Variants in ADAMTS17 observed in about 807,000 individuals in gnomAD.
The protein encoded by ADAMTS17 is A disintegrin and metalloproteinase with thrombospondin motifs 17.
In ADAMTS17, 113 loss-of-function variants were observed where a neutral mutation model predicts 141.5. The observed-to-expected ratio is 0.80, with a 90% CI of 0.69 to 0.93. ADAMTS17 has a LOEUF of 0.93. ADAMTS17 is among the 40% of genes least tolerant of loss of function. ADAMTS17 has a pLI of 0.00. For missense variants in ADAMTS17, 1,659 were observed against 1,517.9 expected, an observed-to-expected ratio of 1.09 and a Z score of -1.54; for synonymous variants, 768 against 630.6, an observed-to-expected ratio of 1.22 and a Z score of -3.27.
At chr15:100,214,963 T>C (rs888183121) in intron 7 of ADAMTS17, among the ~76,000 whole-genome samples, 2 of 152,238 alleles carry the variant, frequency 1.3e-5, no homozygotes, top group Admixed American at 6.5e-5. Context: ...CAACTGCCCA[T>C]TCTGCTCTAT....
At chr15:100,304,282 G>C (rs964589564) in intron 3 of ADAMTS17, among the ~76,000 whole-genome samples, 5 of 152,110 alleles carry the variant, frequency 3.3e-5, no homozygotes, top group Admixed American at 1.3e-4. Flanking sequence ...ACTGTCTTCT[G>C]GGACCCCGTA....
chr15:100,099,218 G>T (rs1196663570), intron 14 of ADAMTS17, among the ~76,000 whole-genome samples: 2 of 152,190 alleles, frequency 1.3e-5, no homozygotes, highest in Admixed American at 6.5e-5. Context: ...ACTCTACTTG[G>T]TGTTATTTTA....
chr15:100,163,301 G>A (rs1258331260), intron 8 of ADAMTS17, among the ~76,000 whole-genome samples: 1 of 152,064 alleles, frequency 6.6e-6, no homozygotes, highest in African/African-American at 2.4e-5. Flanking sequence ...CAGCAAGCGT[G>A]TGTTTGCTTG....
intron 3 of ADAMTS17, among the ~76,000 whole-genome samples, chr15:100,315,342 G>A (rs1477583155): frequency 2.0e-5 from 3 of 152,174 alleles, no homozygotes; most frequent in African/African-American, 7.2e-5. Context: ...ACACTGCAGG[G>A]AAATCAGAAA....
chr15:100,126,067 G>T (rs778883744), intron 12 of ADAMTS17: 1 of 152,246 alleles, frequency 6.6e-6, no homozygotes, highest in Non-Finnish European at 1.5e-5. Flanking sequence ...CGTTGTTTTC[G>T]TCAGAGCTTG....
At chr15:100,166,752 A>C (rs2039966685) in intron 8 of ADAMTS17, among the ~76,000 whole-genome samples, 1 of 152,238 alleles carries the variant, frequency 6.6e-6, no homozygotes, top group South Asian at 2.1e-4. Flanking sequence ...TCCAATCTAG[A>C]AGGGAATAAC....
chr15:99,994,729 G>T (rs2060764454), intron 19 of ADAMTS17, among the ~76,000 whole-genome samples: 1 of 152,122 alleles, frequency 6.6e-6, no homozygotes, highest in Non-Finnish European at 1.5e-5. Context: ...ACCATGCCTG[G>T]CTAATTTTTG....
Position 100,067,972 on chromosome 15 carries a change from G to A in ADAMTS17, c.2138-13918C>T, listed in dbSNP as rs369481216. 3.9e-5 allele frequency among the ~76,000 whole-genome samples: 6 copies of A among 152,208 alleles called. No homozygotes were observed. In the East Asian group the frequency reaches 1.2e-3, roughly 29 times the overall value. On this transcript the variant is annotated intron_variant, in intron 15 of 21. Transcript: ENST00000268070. ...GGCGAGGCATCCCATCACCCGGGAA[G>A]CGCAAGGGGTCAGGGAATTCCCTTT...
At chr15:100,323,000 T>C (rs1216605047) in intron 3 of ADAMTS17, among the ~76,000 whole-genome samples, 1 of 142,122 alleles carries the variant, frequency 7.0e-6, no homozygotes, top group Non-Finnish European at 1.5e-5. Flanking sequence ...GGCAGGAGAA[T>C]GGCATGGACC....
At position 100,100,279 on chromosome 15, in the gene ADAMTS17, C is replaced by G. The variant is rs558320080; in HGVS notation, c.2017-3803G>C. 3.9e-5 allele frequency among the ~76,000 whole-genome samples: 6 copies of G among 152,326 alleles called. No homozygotes were observed. The South Asian group carries it at 6.2e-4, about 16-fold the overall frequency. The stretch of plus-strand genomic sequence containing the variant: ...CTCCCTCCTCTTGCTTCTTCGACTC[C>G]GTGAAAGTGGGTAGCTCCCCCGGGG... On this transcript the variant is annotated intron_variant, in intron 14 of 21. Coordinates refer to ENST00000268070, the MANE Select transcript of ADAMTS17 (RefSeq NM_139057.4).
At chr15:100,266,461 A>G (rs1360297232) in intron 4 of ADAMTS17, among the ~76,000 whole-genome samples, 1 of 152,182 alleles carries the variant, frequency 6.6e-6, no homozygotes, top group Non-Finnish European at 1.5e-5. Flanking sequence ...CCCCCAGGTA[A>G]GGGCAGGCAG....
At chr15:100,046,990 C>T (rs374096342) in intron 18 of ADAMTS17, among the ~76,000 whole-genome samples, 26 of 152,154 alleles carry the variant, frequency 1.7e-4, no homozygotes, top group African/African-American at 5.5e-4. Context: ...CTAAAGCAAA[C>T]GGGAGGAAAT....
intron 18 of ADAMTS17, among the ~76,000 whole-genome samples, chr15:99,998,955 C>A (rs1294245052): frequency 6.6e-6 from 1 of 152,236 alleles, no homozygotes; most frequent in Non-Finnish European, 1.5e-5. Flanking sequence ...GAATCCCGCC[C>A]CAAACCAAGT....
chr15:100,155,915 G>A (rs555012985), intron 8 of ADAMTS17, among the ~76,000 whole-genome samples: 1 of 152,306 alleles, frequency 6.6e-6, no homozygotes, highest in South Asian at 2.1e-4. Context: ...ACTGTGAGCT[G>A]AACAGTGATC....
At chr15:100,341,430 C>T in intron 1 of ADAMTS17, 21 bp from the exon 2 acceptor site, 1 of 1,014,032 alleles carries the variant, frequency 9.9e-7, no homozygotes, top group Non-Finnish European at 1.2e-6. Context: ...AGAGGAGACG[C>T]GTCAGCGCGG....
intron 13 of ADAMTS17, among the ~76,000 whole-genome samples, chr15:100,112,713 T>C (rs2036864162): frequency 6.6e-6 from 1 of 152,156 alleles, no homozygotes; most frequent in Admixed American, 6.5e-5. Flanking sequence ...CCTGCATGGC[T>C]GGTGTGTGCT....
At chr15:99,979,522 C>G (rs1001905259) in intron 20 of ADAMTS17, 4 of 152,246 alleles carry the variant, frequency 2.6e-5, no homozygotes, top group Non-Finnish European at 4.4e-5. Context: ...GAGCCGAACG[C>G]TAAACGCAGA....
rs77981137 is a variant in ADAMTS17, at chr15:99,988,016, A to G, written c.2949+5032T>C. Among the ~76,000 whole-genome samples, 197 of 152,006 alleles carry G rather than the reference A, an allele frequency of 1.3e-3. 2 individuals carry two copies. The East Asian group carries it at 0.032, about 24-fold the overall frequency. Reference sequence around the variant, plus strand: ...TCCCTGCAGGCCCTCTCTGCTTGGTAAAACCAACCTTCCCCCAGCTCAGCC... The same window carrying G: ...TCCCTGCAGGCCCTCTCTGCTTGGTGAAACCAACCTTCCCCCAGCTCAGCC... On this transcript the variant is annotated intron_variant, in intron 20 of 21. Transcript: ENST00000268070.
chr15:100,232,619 T>A (rs78710601), intron 7 of ADAMTS17, among the ~76,000 whole-genome samples: 1 of 152,196 alleles, frequency 6.6e-6, no homozygotes, highest in East Asian at 1.9e-4. Context: ...CACAAAGGGC[T>A]CTGGCGGTAA....
Sources: allele counts gnomAD v4.1 joint callset (sites outside exome capture counted in the v4.1 genomes callset), GRCh38; gene constraint gnomAD v4.1.1; transcripts MANE v1.5; gene names NCBI Gene and HGNC (gene_info 2026-07-23, HGNC 2026-07-21).